The following FSTL5 variants were observed in gnomAD, a reference collection of about 807,000 sequenced individuals.
FSTL5 encodes the protein follistatin like 5, also known as follistatin-related protein 5.
In FSTL5, 62 loss-of-function variants were observed where a neutral mutation model predicts 89.1. That is an observed-to-expected ratio of 0.70 (90% CI 0.57 to 0.86). The LOEUF is 0.86. FSTL5 is among the 40% of genes least tolerant of loss of function. The pLI is 0.00. For missense variants in FSTL5, 1,057 were observed against 1,001.6 expected, an observed-to-expected ratio of 1.06 and a Z score of -0.75; for synonymous variants, 383 against 346.2, an observed-to-expected ratio of 1.11 and a Z score of -1.18.
intron 13 of FSTL5, among the ~76,000 whole-genome samples, chr4:161,470,242 T>C (rs1327395078): frequency 6.6e-6 from 1 of 152,144 alleles, no homozygotes; most frequent in African/African-American, 2.4e-5. Context: ...GAAATTTAGG[T>C]CTTTTATTAA....
At chr4:162,093,094 A>C (rs186250018) in intron 2 of FSTL5, among the ~76,000 whole-genome samples, 1 of 152,168 alleles carries the variant, frequency 6.6e-6, no homozygotes, top group Non-Finnish European at 1.5e-5. Flanking sequence ...CAAAATTACA[A>C]GAAAAGTACA....
intron 3 of FSTL5, among the ~76,000 whole-genome samples, chr4:161,940,988 T>C (rs1259108577): frequency 6.6e-6 from 1 of 151,736 alleles, no homozygotes; most frequent in Non-Finnish European, 1.5e-5. Context: ...GCATCCAATA[T>C]ATAAAGATGT....
At chr4:161,590,414 C>T (rs1390825134) in intron 7 of FSTL5, among the ~76,000 whole-genome samples, 2 of 152,116 alleles carry the variant, frequency 1.3e-5, no homozygotes, top group East Asian at 1.9e-4. Context: ...TGGCACATGC[C>T]TGTAATCCCA....
At chr4:161,802,456 G>T (rs1729828508) in intron 4 of FSTL5, among the ~76,000 whole-genome samples, 1 of 151,624 alleles carries the variant, frequency 6.6e-6, no homozygotes. Flanking sequence ...AAGTGATGTA[G>T]AACTCTGTTC....
chr4:161,889,798 A>G (rs1732928796), intron 4 of FSTL5, among the ~76,000 whole-genome samples: 1 of 152,208 alleles, frequency 6.6e-6, no homozygotes, highest in South Asian at 2.1e-4. Context: ...TTAAATGGCC[A>G]AAGAATACAG....
At chr4:161,860,470 C>A (rs1319512294) in intron 4 of FSTL5, among the ~76,000 whole-genome samples, 1 of 152,160 alleles carries the variant, frequency 6.6e-6, no homozygotes, top group Non-Finnish European at 1.5e-5. Flanking sequence ...ATAGGTCAGA[C>A]TTAAACTTTT....
intron 13 of FSTL5, among the ~76,000 whole-genome samples, chr4:161,465,221 A>G (rs765270123): frequency 2.0e-5 from 3 of 152,124 alleles, no homozygotes; most frequent in Non-Finnish European, 4.4e-5. Context: ...AACAGATGTC[A>G]TAGGATTCTC....
chr4:161,757,485 G>T (rs909750850), intron 6 of FSTL5, among the ~76,000 whole-genome samples: 2 of 152,002 alleles, frequency 1.3e-5, no homozygotes, highest in Admixed American at 1.3e-4. Context: ...ACTACAGCAG[G>T]AAGCATAGGG....
intron 3 of FSTL5, among the ~76,000 whole-genome samples, chr4:162,003,445 C>T (rs1416431073): frequency 6.6e-6 from 1 of 151,872 alleles, no homozygotes; most frequent in Non-Finnish European, 1.5e-5. Flanking sequence ...TTTGGTATCT[C>T]AACAGAGTTT....
chr4:161,620,599 T>A (rs1190362852), intron 7 of FSTL5, among the ~76,000 whole-genome samples: 1 of 152,092 alleles, frequency 6.6e-6, no homozygotes, highest in Non-Finnish European at 1.5e-5. Context: ...GAGGTTGAGA[T>A]GAGCCGAGAT....
At chr4:162,042,888 T>C (rs1050120312) in intron 2 of FSTL5, among the ~76,000 whole-genome samples, 9 of 137,478 alleles carry the variant, frequency 6.5e-5, no homozygotes, top group Non-Finnish European at 1.1e-4. Context: ...TAGGTGGGAA[T>C]TGAACAATGA....
At chr4:161,992,873 T>G (rs867019041) in intron 3 of FSTL5, among the ~76,000 whole-genome samples, 1 of 48,246 alleles carries the variant, frequency 2.1e-5, no homozygotes, top group Non-Finnish European at 3.7e-5. Flanking sequence ...TATATATATA[T>G]ATATATATAT....
At chr4:162,153,663 T>TAATATATATATTATATATGTATACAATA (rs200225187) in intron 1 of FSTL5, among the ~76,000 whole-genome samples, 1 of 135,778 alleles carries the variant, frequency 7.4e-6, no homozygotes, top group Admixed American at 7.8e-5. Flanking sequence ...ATGTATATAA[T>TAATATATATATTATATATGTATACAATA]ATATGTATAT....
intron 15 of FSTL5, among the ~76,000 whole-genome samples, chr4:161,417,003 G>A (rs1731811436): frequency 6.6e-6 from 1 of 151,972 alleles, no homozygotes; most frequent in Non-Finnish European, 1.5e-5. Context: ...TTAATACAAT[G>A]TTTATTATTA....
chr4:161,494,699 C>T (rs181400555), intron 12 of FSTL5, among the ~76,000 whole-genome samples: 3 of 152,228 alleles, frequency 2.0e-5, no homozygotes, highest in Admixed American at 2.0e-4. Context: ...AGGAGACTTA[C>T]ATCAGACTCC....
At chr4:161,985,239 T>C (rs1365713505) in intron 3 of FSTL5, among the ~76,000 whole-genome samples, 2 of 152,128 alleles carry the variant, frequency 1.3e-5, no homozygotes, top group African/African-American at 4.8e-5. Context: ...TTATATCTCA[T>C]TATAAAATTA....
At chr4:161,642,162 C>T (rs575948670) in intron 7 of FSTL5, among the ~76,000 whole-genome samples, 31 of 152,164 alleles carry the variant, frequency 2.0e-4, no homozygotes, top group African/African-American at 7.2e-4. Flanking sequence ...CCTCACATGG[C>T]TACTATTTTT....
intron 7 of FSTL5, among the ~76,000 whole-genome samples, chr4:161,612,312 A>T (rs1164807030): frequency 1.3e-5 from 2 of 152,234 alleles, no homozygotes; most frequent in Non-Finnish European, 2.9e-5. Flanking sequence ...AATGTAGTTT[A>T]ATAGCAAAGT....
chr4:161,525,561 A>G (rs1731189900), intron 10 of FSTL5, among the ~76,000 whole-genome samples: 1 of 152,196 alleles, frequency 6.6e-6, no homozygotes, highest in Admixed American at 6.5e-5. Flanking sequence ...TTCAATACAA[A>G]TACTCAATTC....
Sources: gnomAD v4.1 joint callset for allele counts (sites outside exome capture counted in the v4.1 genomes callset) on GRCh38, gnomAD v4.1.1 for gene constraint, MANE v1.5 for transcripts, NCBI Gene and HGNC (gene_info 2026-07-23, HGNC 2026-07-21) for gene names.